Variants in NIBAN3 observed in about 807,000 individuals in gnomAD.
NIBAN3 encodes niban apoptosis regulator 3.
In NIBAN3, 66 loss-of-function variants were observed where a neutral mutation model predicts 76.4. The observed-to-expected ratio is 0.86, with a 90% CI of 0.71 to 1.06. NIBAN3 has a LOEUF of 1.06. Ranked by LOEUF, NIBAN3 falls within the 50% of genes least tolerant of loss-of-function variation. The pLI, the probability that NIBAN3 is intolerant of heterozygous loss-of-function variation, is 0.00. For synonymous variants in NIBAN3, 360 were observed against 355.2 expected (o/e 1.01, Z -0.15); for missense variants, 808 against 810.7 (o/e 1.00, Z 0.04).
chr19:17,529,983 C>T (rs1045281825), intron 1 of NIBAN3, among the ~76,000 whole-genome samples: 3 of 151,888 alleles, frequency 2.0e-5, no homozygotes, highest in Admixed American at 1.3e-4. Context: ...ATCACTTGAG[C>T]CCAGGAGGTC....
intron 9 of NIBAN3, among the ~76,000 whole-genome samples, 157 bp downstream of exon 9, chr19:17,540,739 T>C (rs1042833420): frequency 1.3e-5 from 2 of 152,222 alleles, no homozygotes; most frequent in Admixed American, 6.5e-5. Flanking sequence ...TTTTTGTTTG[T>C]TTTTTGTTTT....
Position 17,539,168 on chromosome 19 carries a change from C to G in NIBAN3, c.614C>G (p.Ala205Gly). 6.3e-7 allele frequency: 1 copy of G among 1,597,010 alleles called. No individual in the cohort carries two copies. Among genetic ancestry groups the G allele is most frequent in the Non-Finnish European group, 8.5e-7 (1 of 1,172,548 alleles). Reference sequence around the variant, plus strand: ...CTCTCAGTCCTGCAGCGAAGCCAGGCCCCTGCTGCCCGGGCCTTCCTGGAC... The same window carrying G: ...CTCTCAGTCCTGCAGCGAAGCCAGGGCCCTGCTGCCCGGGCCTTCCTGGAC... ...LQGIVLQRSQ[A>G]PAARAFLDAV... Residue 205 changes from alanine to glycine, a missense_variant, in exon 6 of 15, where the codon GCC becomes GGC. Physicochemically the swap from Ala to Gly is moderately conservative, Grantham distance 60 (BLOSUM62 0). Coordinates refer to ENST00000599164, the MANE Select transcript of NIBAN3 (RefSeq NM_001321827.2).
chr19:17,551,784 A>T lies in NIBAN3; in HGVS notation c.1751-2A>T. On this transcript the variant is annotated splice_acceptor_variant, in intron 14 of 14. Coordinates refer to ENST00000599164, the MANE Select transcript of NIBAN3 (RefSeq NM_001321827.2). LOFTEE classifies it high-confidence loss of function. ...GACGTCCGTATATTTTCCATTATAC[A>T]GATGAGGAAACTGAGGCTGAGCGGG... is the stretch of plus-strand genomic sequence containing the variant. 1.3e-6 allele frequency: 1 copy of T among 777,810 alleles called. No individual in the cohort carries two copies. The highest frequency in any genetic ancestry group is 2.4e-6 in the Non-Finnish European group (1 of 415,960). The allele number at this position is 777,810 out of a possible 1,614,324, so 48.2% of individuals were successfully genotyped here. A position where few individuals can be genotyped will look rare whatever the true frequency, so the allele number is the denominator to read the frequency against.
chr19:17,543,852 C>T (rs1382281415), intron 12 of NIBAN3: 2 of 354,038 alleles, frequency 5.6e-6, no homozygotes, highest in African/African-American at 2.1e-5. Flanking sequence ...ATTAGCCAGG[C>T]ATGGTGATGG....
Position 17,547,859 on chromosome 19 carries a change from G to A in NIBAN3, c.1666+1062G>A, listed in dbSNP as rs528635993. Reference sequence around the variant, plus strand: ...TTTTTGAATTTTTAGTAGAGATGGGGTTTCACTATGTTGGCCAGGCTGGTC... The same window carrying A: ...TTTTTGAATTTTTAGTAGAGATGGGATTTCACTATGTTGGCCAGGCTGGTC... On this transcript the variant is annotated intron_variant, in intron 13 of 14. Coordinates refer to ENST00000599164, the MANE Select transcript of NIBAN3 (RefSeq NM_001321827.2). Among the ~76,000 whole-genome samples, 7 of 151,824 alleles carry A rather than the reference G, an allele frequency of 4.6e-5. No homozygotes were observed. The South Asian group carries it at 1.5e-3, about 32-fold the overall frequency.
At chr19:17,535,073 T>C (rs895555717) in intron 4 of NIBAN3, among the ~76,000 whole-genome samples, 1 of 152,210 alleles carries the variant, frequency 6.6e-6, no homozygotes, top group African/African-American at 2.4e-5. Flanking sequence ...TTGATGCTGC[T>C]CAAAACATCA....
At chr19:17,527,209 G>C (rs192630595), upstream of NIBAN3, 1,604 of 1,546,818 alleles carry the variant, frequency 1.0e-3, 32 homozygotes, top group Admixed American at 0.03. Context: ...TGCAGCGTGG[G>C]GTGGGGCAGG....
chr19:17,541,023 A>G (rs1476007126), intron 9 of NIBAN3, among the ~76,000 whole-genome samples: 1 of 152,132 alleles, frequency 6.6e-6, no homozygotes, highest in African/African-American at 2.4e-5. Flanking sequence ...GGCTTGAGCC[A>G]CCGCACTGGC....
chr19:17,546,804 C>G lies in NIBAN3; in HGVS notation c.1666+7C>G, dbSNP rs145766458. 2 of 1,585,448 alleles carry G rather than the reference C, an allele frequency of 1.3e-6. No individual in the cohort carries two copies. The highest frequency in any genetic ancestry group is 8.6e-7 in the Non-Finnish European group (1 of 1,166,892). On this transcript the variant is annotated splice_region_variant and intron_variant, in intron 13 of 14. Coordinates refer to ENST00000599164, the MANE Select transcript of NIBAN3 (RefSeq NM_001321827.2). ...CTGCAGAGGATTGACCAAGGTGAGT[C>G]CCGCCCTGCCATGGCTCAGAGGAGC...
In NIBAN3 at chr19:17,540,456, C is replaced by A; in HGVS notation, c.1044C>A (p.Val348=). 1 of 1,578,708 alleles carries A rather than the reference C, an allele frequency of 6.3e-7. No homozygotes were observed. Among genetic ancestry groups the A allele is most frequent in the South Asian group, 1.1e-5 (1 of 87,964 alleles). The change falls in exon 9 of 15, where the codon GTC becomes GTA. Residue 348 remains valine, a synonymous_variant. Transcript: ENST00000599164. ...RREVDPQLPR[V]VQTLLRTVEA... ...AGGTGGACCCGCAGCTGCCCCGGGT[C>A]GTGCAGACCCTGCTGCGCACCGTGG...
intron 14 of NIBAN3, among the ~76,000 whole-genome samples, chr19:17,550,994 G>A (rs900222061): frequency 3.9e-5 from 6 of 151,902 alleles, no homozygotes; most frequent in African/African-American, 1.5e-4. Flanking sequence ...CTTTGTCCGG[G>A]AGGTTTAGGA....
intron 5 of NIBAN3, among the ~76,000 whole-genome samples, chr19:17,538,277 G>A (rs1437501076): frequency 3.3e-5 from 5 of 150,920 alleles, no homozygotes; most frequent in African/African-American, 9.8e-5. Context: ...TTAGCCGAGC[G>A]TGGTGGCAGG....
intron 13 of NIBAN3, among the ~76,000 whole-genome samples, chr19:17,547,268 C>T (rs112270100): frequency 0.018 from 2,636 of 146,808 alleles, 75 homozygotes; most frequent in African/African-American, 0.062. Flanking sequence ...GCAGCAGAAT[C>T]GCTTGAACCC....
intron 14 of NIBAN3, among the ~76,000 whole-genome samples, chr19:17,550,701 A>G (rs2076139984): frequency 6.6e-6 from 1 of 152,146 alleles, no homozygotes; most frequent in African/African-American, 2.4e-5. Context: ...CATGAGTGTT[A>G]GAATATTTCA....
chr19:17,539,315 G>T, intron 6 of NIBAN3, 32 bp from the exon 7 acceptor site: 4 of 1,555,216 alleles, frequency 2.6e-6, no homozygotes, highest in South Asian at 2.4e-5. Context: ...CCTCCCGGCC[G>T]ACCGCGGCGC....
At position 17,541,218 on chromosome 19, in the gene NIBAN3, CATACATACATAT is replaced by C. The variant is rs1486360875; in HGVS notation, c.1170+648_1170+659del. The stretch of plus-strand genomic sequence containing the variant: ...TGATATACAAGTAGCACCTAAAATA[CATACATACATAT>C]ATACATACATACATACATACATACA... On this transcript the variant is annotated intron_variant, in intron 9 of 14. Coordinates refer to ENST00000599164, the MANE Select transcript of NIBAN3 (RefSeq NM_001321827.2). Among the ~76,000 whole-genome samples the C allele has an allele frequency of 6.5e-4, 84 of 129,432 alleles. 2 individuals carry two copies. The East Asian group carries it at 0.017, about 26-fold the overall frequency. The allele number at this position is 129,432 out of a possible 152,430, so 84.9% of individuals were successfully genotyped here.
At chr19:17,530,330 A>G (rs980023850) in intron 1 of NIBAN3, among the ~76,000 whole-genome samples, 2 of 102,550 alleles carry the variant, frequency 2.0e-5, no homozygotes, top group Non-Finnish European at 4.0e-5. Flanking sequence ...AACAAAAAAC[A>G]AAAAACAAAA....
At chr19:17,532,176 C>T (rs1418758878) in intron 2 of NIBAN3, 87 bp from the exon 3 acceptor site, 1 of 1,496,098 alleles carries the variant, frequency 6.7e-7, no homozygotes, top group East Asian at 2.4e-5. Context: ...TTAGCGTCAC[C>T]CCAGGATACA....
intron 9 of NIBAN3, among the ~76,000 whole-genome samples, 177 bp from the exon 10 acceptor site, chr19:17,541,959 C>T (rs2075960640): frequency 6.6e-6 from 1 of 152,140 alleles, no homozygotes; most frequent in South Asian, 2.1e-4. Flanking sequence ...GATGGGACTA[C>T]AGGTGTGAGC....
Sources: gnomAD v4.1 joint callset for allele counts (sites outside exome capture counted in the v4.1 genomes callset) on GRCh38, gnomAD v4.1.1 for gene constraint, MANE v1.5 for transcripts, NCBI Gene and HGNC (gene_info 2026-07-23, HGNC 2026-07-21) for gene names.